Variants in TRIM2 observed in about 807,000 individuals in gnomAD.
TRIM2 encodes the protein tripartite motif containing 2.
A neutral mutation model predicts 75.2 loss-of-function variants in TRIM2; 20 were observed. That is an observed-to-expected ratio of 0.27 (90% CI 0.19 to 0.39). The LOEUF is 0.39. Ranked by LOEUF, TRIM2 falls within the 10% of genes least tolerant of loss-of-function variation. The pLI is 1.00. For synonymous variants in TRIM2, 373 were observed against 388.3 expected (o/e 0.96, Z 0.46); for missense variants, 660 against 990.8 (o/e 0.67, Z 4.48).
intron 1 of TRIM2, among the ~76,000 whole-genome samples, chr4:153,189,232 TGA>T (rs1290240039): frequency 1.3e-5 from 2 of 152,114 alleles, no homozygotes; most frequent in East Asian, 3.9e-4. Context: ...GACCAATGAT[TGA>T]GAGATGAGGG....
intron 6 of TRIM2, among the ~76,000 whole-genome samples, chr4:153,302,524 T>C (rs1446595490): frequency 2.0e-5 from 3 of 152,208 alleles, no homozygotes; most frequent in East Asian, 3.8e-4. Flanking sequence ...TGGGTAGGAC[T>C]TACCCAGGTT....
intron 1 of TRIM2, among the ~76,000 whole-genome samples, chr4:153,220,282 GA>G (rs34263796): frequency 2.0e-5 from 3 of 150,338 alleles, no homozygotes; most frequent in Non-Finnish European, 3.0e-5. Flanking sequence ...AAAGCTTTAG[GA>G]AAAAAAAAAT....
rs1429271582 is a variant in TRIM2 at position 153,335,156 on chromosome 4, G to GT, written c.*192dup. On this transcript the variant is annotated 3_prime_UTR_variant, in exon 12 of 12. Transcript: ENST00000338700. ...CCAATTTCTGTATTTCACCTTTAGGGTTAAAAAAAACTCTTCTACTGAATC... is the reference window on the plus strand; with the variant it reads ...CCAATTTCTGTATTTCACCTTTAGGGTTTAAAAAAAACTCTTCTACTGAATC... 7.9e-7 allele frequency: 1 copy of GT among 1,267,678 alleles called. No individual in the cohort carries two copies. Among genetic ancestry groups the GT allele is most frequent in the Non-Finnish European group, 9.9e-7 (1 of 1,005,444 alleles). The allele number at this position is 1,267,678 out of a possible 1,614,324, so 78.5% of individuals were successfully genotyped here. A position where few individuals can be genotyped will look rare whatever the true frequency, so the allele number is the denominator to read the frequency against.
At chr4:153,246,563 G>A (rs1182277064) in intron 1 of TRIM2, among the ~76,000 whole-genome samples, 1 of 152,178 alleles carries the variant, frequency 6.6e-6, no homozygotes, top group Non-Finnish European at 1.5e-5. Flanking sequence ...CATTCCTTAA[G>A]GATAGTGACT....
At chr4:153,220,732 A>G (rs191866767) in intron 1 of TRIM2, among the ~76,000 whole-genome samples, 2 of 152,324 alleles carry the variant, frequency 1.3e-5, no homozygotes, top group Admixed American at 6.5e-5. Flanking sequence ...ATGGGCAAAC[A>G]TTTCAGTAGG....
At chr4:153,291,202 A>G (rs1207554583) in intron 3 of TRIM2, among the ~76,000 whole-genome samples, 1 of 152,190 alleles carries the variant, frequency 6.6e-6, no homozygotes, top group Non-Finnish European at 1.5e-5. Context: ...GGTTTTTTCC[A>G]AAACACATGT....
intron 11 of TRIM2, among the ~76,000 whole-genome samples, chr4:153,330,788 T>C (rs1771302597): frequency 6.6e-6 from 1 of 152,170 alleles, no homozygotes; most frequent in Non-Finnish European, 1.5e-5. Flanking sequence ...GCATTCCCTA[T>C]AGAGCAAGGA....
At position 153,336,286 on chromosome 4, in the gene TRIM2, T is replaced by C. The variant is rs1772436287; in HGVS notation, c.*1320T>C. 6 of 985,490 alleles carry C rather than the reference T, an allele frequency of 6.1e-6. No homozygotes were observed. In the South Asian group the frequency reaches 2.4e-4, roughly 39 times the overall value. The allele number at this position is 985,490 out of a possible 1,614,324, so 61.0% of individuals were successfully genotyped here. A position where few individuals can be genotyped will look rare whatever the true frequency, so the allele number is the denominator to read the frequency against. ...AGCAAGCCCTAAAGCAGATTTAATT[T>C]TTGCCATTTTCCAAGAATGACGGTG... On this transcript the variant is annotated 3_prime_UTR_variant, in exon 12 of 12. Coordinates refer to ENST00000338700, the MANE Select transcript of TRIM2 (RefSeq NM_015271.5).
intron 6 of TRIM2, among the ~76,000 whole-genome samples, chr4:153,314,171 A>G (rs1043626603): frequency 7.9e-5 from 12 of 151,778 alleles, no homozygotes. Context: ...CTATTCTTTT[A>G]AAAGAGAGTC....
At chr4:153,276,249 T>A in intron 3 of TRIM2, 119 bp downstream of exon 3, 1 of 849,340 alleles carries the variant, frequency 1.2e-6, no homozygotes, top group Non-Finnish European at 1.9e-6. Context: ...AATCAGTAAT[T>A]AAAAAAGATT....
At chr4:153,178,571 G>A (rs1484554668) in intron 1 of TRIM2, among the ~76,000 whole-genome samples, 1 of 152,094 alleles carries the variant, frequency 6.6e-6, no homozygotes, top group African/African-American at 2.4e-5. Flanking sequence ...AGCTCACTAT[G>A]CTAGATAATA....
intron 1 of TRIM2, among the ~76,000 whole-genome samples, chr4:153,243,466 A>C (rs1033678598): frequency 2.6e-5 from 4 of 152,228 alleles, no homozygotes; most frequent in African/African-American, 4.8e-5. Context: ...ATGCAGTTAC[A>C]TCCTTGCTAG....
At chr4:153,244,138 C>CTTCTTG (rs1165813252) in intron 1 of TRIM2, among the ~76,000 whole-genome samples, 1 of 138,508 alleles carries the variant, frequency 7.2e-6, no homozygotes, top group African/African-American at 2.7e-5. Context: ...TCTTCTTCTT[C>CTTCTTG]TTCTTGTTCT....
At chr4:153,327,765 T>C (rs1331510910) in intron 10 of TRIM2, among the ~76,000 whole-genome samples, 3 of 152,226 alleles carry the variant, frequency 2.0e-5, no homozygotes, top group Middle Eastern at 3.2e-3. Flanking sequence ...CCATATCAGA[T>C]GTTAGAGAAT....
At chr4:153,226,998 G>A (rs900681215) in intron 1 of TRIM2, among the ~76,000 whole-genome samples, 12 of 152,192 alleles carry the variant, frequency 7.9e-5, no homozygotes, top group African/African-American at 2.9e-4. Flanking sequence ...AGTCTTGAAG[G>A]AATTTTCAAG....
At chr4:153,220,610 G>A (rs146681374) in intron 1 of TRIM2, among the ~76,000 whole-genome samples, 2 of 151,998 alleles carry the variant, frequency 1.3e-5, no homozygotes, top group Non-Finnish European at 2.9e-5. Flanking sequence ...AAATAGTGTT[G>A]GTTTTGCAAC....
At chr4:153,154,578 C>T (rs573890466) in intron 1 of TRIM2, among the ~76,000 whole-genome samples, 2 of 152,138 alleles carry the variant, frequency 1.3e-5, no homozygotes, top group African/African-American at 4.8e-5. Context: ...TTCTTTTAAC[C>T]TGACATTGGA....
At chr4:153,284,195 GTTTTTTGTTTTTTGGTTTT>G (rs1431730629) in intron 3 of TRIM2, among the ~76,000 whole-genome samples, 1 of 142,836 alleles carries the variant, frequency 7.0e-6, no homozygotes, top group Non-Finnish European at 1.5e-5. Context: ...TTTTTGTTTT[GTTTTTTGTTTTTTGGTTTT>G]TTTTTAGACA....
chr4:153,196,269 C>CCA (rs1553961387), intron 1 of TRIM2, among the ~76,000 whole-genome samples: 1 of 149,266 alleles, frequency 6.7e-6, no homozygotes, highest in African/African-American at 2.5e-5. Flanking sequence ...TACCACCCCC[C>CCA]CCCACACACA....
Sources: allele counts gnomAD v4.1 joint callset (sites outside exome capture counted in the v4.1 genomes callset), GRCh38; gene constraint gnomAD v4.1.1; transcripts MANE v1.5; gene names NCBI Gene and HGNC (gene_info 2026-07-23, HGNC 2026-07-21).